The following BRINP3 variants were observed in gnomAD, a reference collection of about 807,000 sequenced individuals.
BRINP3 encodes the protein BMP/retinoic acid-inducible neural-specific protein 3.
A neutral mutation model predicts 71.0 loss-of-function variants in BRINP3; 19 were observed. The ratio of observed to expected loss-of-function variants is 0.27; its 90% CI spans 0.19 to 0.39. The LOEUF (loss-of-function observed/expected upper bound fraction) is 0.39. Among genes scored for constraint, BRINP3 ranks in the 10% least tolerant of loss-of-function variants. The probability of loss-of-function intolerance (pLI) is 1.00; values close to 1 mark genes in which losing one functional copy is unlikely to be tolerated. For synonymous variants in BRINP3, 380 were observed against 337.7 expected (o/e 1.13, Z -1.37); for missense variants, 959 against 940.8 (o/e 1.02, Z -0.25).
intron 2 of BRINP3, among the ~76,000 whole-genome samples, chr1:190,448,113 T>C (rs1359466852): frequency 6.6e-6 from 1 of 151,736 alleles, no homozygotes; most frequent in South Asian, 2.1e-4. Flanking sequence ...GAATTTCCTA[T>C]TGTATTGAAT....
chr1:190,135,315 A>G (rs1356207798), intron 7 of BRINP3, among the ~76,000 whole-genome samples: 1 of 152,132 alleles, frequency 6.6e-6, no homozygotes, highest in Non-Finnish European at 1.5e-5. Context: ...GTTTCTGGGA[A>G]TATTCCCTGT....
rs187579490 is a variant in BRINP3, at chr1:190,210,515, A to G, written c.961+15567T>C. Among the ~76,000 whole-genome samples the G allele has an allele frequency of 2.0e-4, 30 of 152,268 alleles. 1 individual carries two copies. The highest frequency in any genetic ancestry group is 1.4e-3 in the Admixed American group (22 of 15,286). ...ATGAAAACAATCCTTTACAATAAATAAATTGAAACCAATAGAAAAAGCATT... is the reference window on the plus strand; with the variant it reads ...ATGAAAACAATCCTTTACAATAAATGAATTGAAACCAATAGAAAAAGCATT... On this transcript the variant is annotated intron_variant, in intron 6 of 7. Coordinates refer to ENST00000367462, the MANE Select transcript of BRINP3 (RefSeq NM_199051.3).
At chr1:190,130,088 T>A (rs1654413353) in intron 7 of BRINP3, among the ~76,000 whole-genome samples, 1 of 152,024 alleles carries the variant, frequency 6.6e-6, no homozygotes, top group Non-Finnish European at 1.5e-5. Context: ...ATTTGGCTTC[T>A]ACAAAAAAAT....
At chr1:190,186,212 C>A (rs1208582669) in intron 6 of BRINP3, among the ~76,000 whole-genome samples, 1 of 151,886 alleles carries the variant, frequency 6.6e-6, no homozygotes, top group Non-Finnish European at 1.5e-5. Flanking sequence ...CCCATCTCTA[C>A]TAAAAATACA....
At chr1:190,128,144 T>C (rs1055516765) in intron 7 of BRINP3, among the ~76,000 whole-genome samples, 2 of 151,790 alleles carry the variant, frequency 1.3e-5, no homozygotes, top group Admixed American at 6.6e-5. Context: ...TTCATAATTA[T>C]GTGAATTTCA....
intron 2 of BRINP3, among the ~76,000 whole-genome samples, chr1:190,319,819 T>C (rs1385803915): frequency 1.3e-5 from 2 of 152,116 alleles, no homozygotes; most frequent in African/African-American, 2.4e-5. Context: ...ACATTTAACA[T>C]GGGATTTGGA....
intron 6 of BRINP3, among the ~76,000 whole-genome samples, chr1:190,171,508 G>A: frequency 6.6e-6 from 1 of 152,062 alleles, no homozygotes; most frequent in East Asian, 1.9e-4. Flanking sequence ...AATAAGTTTA[G>A]TGATTTCCTT....
Position 190,251,224 on chromosome 1 carries a change from T to C in BRINP3, c.618+13641A>G, listed in dbSNP as rs1373951105. On this transcript the variant is annotated intron_variant, in intron 4 of 7. Transcript: ENST00000367462. ...TGTTAGAGCTTATTCCTGAGTCCTA[T>C]GTATTTGCTTGAACTTGTACTTATA... 2.6e-5 allele frequency among the ~76,000 whole-genome samples: 4 copies of C among 152,012 alleles called. No homozygotes were observed. In the East Asian group the frequency reaches 5.8e-4, roughly 22 times the overall value.
At chr1:190,232,789 G>T (rs1658119505) in intron 5 of BRINP3, among the ~76,000 whole-genome samples, 1 of 152,060 alleles carries the variant, frequency 6.6e-6, no homozygotes, top group Non-Finnish European at 1.5e-5. Flanking sequence ...ATAATAAACT[G>T]ATTGAAGTAG....
At chr1:190,337,053 AAGAG>A (rs1248979152) in intron 2 of BRINP3, among the ~76,000 whole-genome samples, 2 of 152,040 alleles carry the variant, frequency 1.3e-5, no homozygotes, top group African/African-American at 4.8e-5. Flanking sequence ...GCATCTTGGA[AAGAG>A]AGAAAGATCC....
chr1:190,165,823 G>A (rs1184748158), intron 6 of BRINP3, among the ~76,000 whole-genome samples: 4 of 152,034 alleles, frequency 2.6e-5, no homozygotes, highest in Non-Finnish European at 5.9e-5. Flanking sequence ...AAAGACTCAC[G>A]GCAAGAAAAG....
chr1:190,317,796 C>A (rs541347711), intron 2 of BRINP3, among the ~76,000 whole-genome samples: 50 of 152,184 alleles, frequency 3.3e-4, no homozygotes, highest in East Asian at 1.9e-4. Context: ...TTTACTTTAT[C>A]TCCTTCTTGG....
chr1:190,405,227 G>A (rs1227126459), intron 2 of BRINP3, among the ~76,000 whole-genome samples: 3 of 151,808 alleles, frequency 2.0e-5, no homozygotes, highest in East Asian at 1.9e-4. Flanking sequence ...CGAGGCGGGC[G>A]GATCACGAGG....
chr1:190,352,041 AACCAACATAATATAC>A (rs1317879014), intron 2 of BRINP3, among the ~76,000 whole-genome samples: 5 of 151,990 alleles, frequency 3.3e-5, no homozygotes, highest in African/African-American at 9.7e-5. Flanking sequence ...TTCTGTATCC[AACCAACATAATATAC>A]CCAATAATAA....
At chr1:190,099,229 C>T in intron 7 of BRINP3, 95 bp from the exon 8 acceptor site, 1 of 1,213,948 alleles carries the variant, frequency 8.2e-7, no homozygotes, top group Non-Finnish European at 1.1e-6. Flanking sequence ...ATCATTTCTT[C>T]AGGTCATCTC....
chr1:190,108,346 G>T (rs1652368097), intron 7 of BRINP3, among the ~76,000 whole-genome samples: 1 of 151,888 alleles, frequency 6.6e-6, no homozygotes, highest in South Asian at 2.1e-4. Flanking sequence ...AATCGTGTGT[G>T]TGTGTGTGTG....
chr1:190,280,948 A>T (rs1252235143), intron 3 of BRINP3, among the ~76,000 whole-genome samples: 1 of 151,948 alleles, frequency 6.6e-6, no homozygotes, highest in Non-Finnish European at 1.5e-5. Flanking sequence ...ATCACACATC[A>T]CTATGAAAAA....
chr1:190,216,210 C>T (rs1442126924), intron 6 of BRINP3, among the ~76,000 whole-genome samples: 1 of 151,752 alleles, frequency 6.6e-6, no homozygotes, highest in Non-Finnish European at 1.5e-5. Flanking sequence ...CCTTGATCCA[C>T]ATCTGGGTAG....
At chr1:190,260,872 C>T (rs574661029) in intron 4 of BRINP3, among the ~76,000 whole-genome samples, 72 of 151,934 alleles carry the variant, frequency 4.7e-4, no homozygotes, top group Non-Finnish European at 8.2e-4. Context: ...ACTGTTTCTA[C>T]TTATTCCTAG....
Sources: gnomAD v4.1 joint callset for allele counts (sites outside exome capture counted in the v4.1 genomes callset) on GRCh38, gnomAD v4.1.1 for gene constraint, MANE v1.5 for transcripts, NCBI Gene and HGNC (gene_info 2026-07-23, HGNC 2026-07-21) for gene names.